SLC39A11: variants seen among roughly 807,000 people sequenced by gnomAD.
The protein encoded by SLC39A11 is solute carrier family 39 member 11.
Under a neutral mutation model 36.1 loss-of-function variants are expected in SLC39A11, and 33 were observed. The ratio of observed to expected loss-of-function variants is 0.91; its 90% CI spans 0.69 to 1.22. SLC39A11 has a LOEUF of 1.22. Among genes scored for constraint, SLC39A11 ranks in the 50% most tolerant of loss-of-function variants. The probability of loss-of-function intolerance (pLI) is 0.00; values close to 1 mark genes in which losing one functional copy is unlikely to be tolerated. For missense variants in SLC39A11, 432 were observed against 430.3 expected (o/e 1.00, Z -0.03); for synonymous variants, 166 against 170.3 (o/e 0.97, Z 0.20).
chr17:72,742,166 G>A (rs1277114958), intron 6 of SLC39A11, among the ~76,000 whole-genome samples: 2 of 151,234 alleles, frequency 1.3e-5, no homozygotes, highest in African/African-American at 2.4e-5. Context: ...TCGCGCCACT[G>A]CACTCCAGCC....
chr17:72,789,027 G>C (rs2145030871), intron 6 of SLC39A11, among the ~76,000 whole-genome samples: 1 of 152,098 alleles, frequency 6.6e-6, no homozygotes, highest in South Asian at 2.1e-4. Flanking sequence ...CCAGTTACCA[G>C]AGAGGACAAA....
chr17:72,983,740 TTC>T (rs2088502684), intron 4 of SLC39A11, among the ~76,000 whole-genome samples: 1 of 152,170 alleles, frequency 6.6e-6, no homozygotes, highest in Admixed American at 6.5e-5. Flanking sequence ...GTGGGCAATT[TTC>T]TCTTTCAAAT....
intron 4 of SLC39A11, among the ~76,000 whole-genome samples, chr17:73,009,818 A>G (rs1162046107): frequency 1.3e-5 from 2 of 152,138 alleles, no homozygotes; most frequent in African/African-American, 2.4e-5. Context: ...TACATGTGCC[A>G]TGTTGGTGTG....
At chr17:73,089,735 G>A (rs2060863095) in intron 1 of SLC39A11, 1 of 152,176 alleles carries the variant, frequency 6.6e-6, no homozygotes, top group South Asian at 2.1e-4. Context: ...AGTCAGCAAG[G>A]ACAAGCAAAA....
chr17:72,977,554 C>T (rs1050939502), intron 4 of SLC39A11, among the ~76,000 whole-genome samples: 7 of 152,142 alleles, frequency 4.6e-5, no homozygotes, highest in African/African-American at 1.7e-4. Context: ...AAGGGGAGAA[C>T]ACCCCCACCC....
chr17:72,720,589 T>G (rs768075968), intron 7 of SLC39A11, among the ~76,000 whole-genome samples: 5 of 152,102 alleles, frequency 3.3e-5, no homozygotes, highest in Non-Finnish European at 7.4e-5. Flanking sequence ...AGCTGTAGGA[T>G]GTGTCATGGG....
intron 5 of SLC39A11, among the ~76,000 whole-genome samples, chr17:72,900,105 AAGAAAAAG>A (rs145533257): frequency 0.065 from 8,863 of 136,672 alleles, 1,408 homozygotes; most frequent in African/African-American, 0.13. Flanking sequence ...AAAAGAAAGA[AAGAAAAAG>A]AAAGAAAGAA....
At position 72,853,173 on chromosome 17, in the gene SLC39A11, G is replaced by A. The variant is rs554448331; in HGVS notation, c.431-3369C>T. Among the ~76,000 whole-genome samples, 3 of 150,448 alleles carry A rather than the reference G, an allele frequency of 2.0e-5. No homozygotes were observed. In the East Asian group the frequency reaches 6.0e-4, roughly 30 times the overall value. ...GGAACTATAGGTGCACGCCACCATG[G>A]CCAGCTAACTTTTGTATTTTTTTTT... is the stretch of plus-strand genomic sequence containing the variant. On this transcript the variant is annotated intron_variant, in intron 5 of 9. Transcript: ENST00000255559.
intron 6 of SLC39A11, among the ~76,000 whole-genome samples, chr17:72,849,160 T>C (rs566492026): frequency 3.9e-5 from 6 of 152,190 alleles, no homozygotes; most frequent in Non-Finnish European, 7.3e-5. Context: ...CCTCTTCACA[T>C]TGAGTCAGCT....
At position 72,824,968 on chromosome 17, in the gene SLC39A11, G is replaced by T. The variant is rs1463713511; in HGVS notation, c.601+24666C>A. On this transcript the variant is annotated intron_variant, in intron 6 of 9. Transcript: ENST00000255559. ...TTTAGAAACTTTGCAGCCTGACCAT[G>T]CAGTAGAAAAGAGAAACCCATTTTC... Among the ~76,000 whole-genome samples the T allele has an allele frequency of 1.3e-5, 2 of 151,392 alleles. 1 individual carries two copies. Among genetic ancestry groups the T allele is most frequent in the Non-Finnish European group, 3.0e-5 (2 of 67,534 alleles).
chr17:72,959,323 G>GTA (rs766454318), intron 4 of SLC39A11, among the ~76,000 whole-genome samples: 7,059 of 79,210 alleles, frequency 0.089, 337 homozygotes, highest in Non-Finnish European at 0.11. Flanking sequence ...GTGTGTGTGT[G>GTA]TGTATATATA....
At chr17:72,848,739 A>T (rs544117787) in intron 6 of SLC39A11, among the ~76,000 whole-genome samples, 13 of 149,288 alleles carry the variant, frequency 8.7e-5, no homozygotes, top group Non-Finnish European at 1.6e-4. Flanking sequence ...AAAAAGACAT[A>T]AAAGAAATTA....
chr17:72,657,662 C>T (rs1476669328), intron 7 of SLC39A11, among the ~76,000 whole-genome samples: 1 of 152,204 alleles, frequency 6.6e-6, no homozygotes, highest in Non-Finnish European at 1.5e-5. Flanking sequence ...AGTGCTAAAC[C>T]TGGCACAGTC....
chr17:72,868,618 C>CAAAAAAAAAAAAAAAAAAAAAAA (rs71354894), intron 5 of SLC39A11, among the ~76,000 whole-genome samples: 1 of 56,462 alleles, frequency 1.8e-5, no homozygotes, highest in Non-Finnish European at 3.1e-5. Flanking sequence ...CCTGTCTCTA[C>CAAAAAAAAAAAAAAAAAAAAAAA]AAAAAAAAAA....
At chr17:72,647,710 G>A (rs2069621264) in intron 9 of SLC39A11, 48 bp from the exon 10 acceptor site, 1 of 1,520,492 alleles carries the variant, frequency 6.6e-7, no homozygotes. Context: ...TGATCCCTGA[G>A]GCCACGGCTA....
intron 5 of SLC39A11, among the ~76,000 whole-genome samples, chr17:72,912,405 A>G (rs2083063622): frequency 1.3e-5 from 2 of 152,030 alleles, no homozygotes; most frequent in African/African-American, 4.8e-5. Context: ...AGTGGCTGTT[A>G]ACATTATTTA....
chr17:73,083,015 CAAAAAAAA>C lies in SLC39A11; in HGVS notation c.147+1785_147+1792del, dbSNP rs34607510. On this transcript the variant is annotated intron_variant, in intron 3 of 9. Transcript: ENST00000255559. ...TGGACAACAGAGGGAGACTCCATTT[CAAAAAAAA>C]AAAAAAAAAAAATGGACTTATGCCC... 3.8e-3 allele frequency among the ~76,000 whole-genome samples: 345 copies of C among 89,784 alleles called. 2 individuals carry two copies. Among genetic ancestry groups the C allele is most frequent in the African/African-American group, 0.015 (329 of 22,232 alleles). 58.9% of individuals were successfully genotyped at this position (89,784 alleles called of 152,430 possible).
At chr17:72,828,059 T>G (rs2078105893) in intron 6 of SLC39A11, among the ~76,000 whole-genome samples, 1 of 152,228 alleles carries the variant, frequency 6.6e-6, no homozygotes. Flanking sequence ...CTCAGGTCTC[T>G]GATAGTGGTC....
intron 7 of SLC39A11, among the ~76,000 whole-genome samples, chr17:72,651,085 C>T (rs760505188): frequency 1.7e-4 from 26 of 152,186 alleles, no homozygotes; most frequent in Non-Finnish European, 2.2e-4. Flanking sequence ...GCCCCCACCT[C>T]GAGTCTGCCA....
Sources: allele counts gnomAD v4.1 joint callset (sites outside exome capture counted in the v4.1 genomes callset), GRCh38; gene constraint gnomAD v4.1.1; transcripts MANE v1.5; gene names NCBI Gene and HGNC (gene_info 2026-07-23, HGNC 2026-07-21).